Variants in OR51E2 observed in about 807,000 individuals in gnomAD.
OR51E2 encodes olfactory receptor 51E2.
In OR51E2, 14 loss-of-function variants were observed where a neutral mutation model predicts 13.7. That is an observed-to-expected ratio of 1.02 (90% CI 0.68 to 1.60). The LOEUF is 1.60. Ranked by LOEUF, OR51E2 falls within the 40% of genes most tolerant of loss-of-function variation. OR51E2 has a pLI of 0.00. For synonymous variants in OR51E2, 180 were observed against 157.6 expected (o/e 1.14, Z -1.07); for missense variants, 483 against 413.8 (o/e 1.17, Z -1.45).
chr11:4,691,874 T>C (rs1847586315), intron 1 of OR51E2, among the ~76,000 whole-genome samples: 1 of 152,242 alleles, frequency 6.6e-6, no homozygotes, highest in Admixed American at 6.5e-5. Context: ...AGATTTCAAC[T>C]GCTGTAGTGG....
At chr11:4,693,302 A>G (rs554373773) in intron 1 of OR51E2, among the ~76,000 whole-genome samples, 73 of 152,370 alleles carry the variant, frequency 4.8e-4, no homozygotes, top group African/African-American at 1.7e-3. Context: ...ATTACCAGAA[A>G]GAGAGCATTC....
chr11:4,697,169 C>A (rs569037419), intron 1 of OR51E2, among the ~76,000 whole-genome samples: 62 of 152,216 alleles, frequency 4.1e-4, no homozygotes, highest in Non-Finnish European at 7.5e-4. Flanking sequence ...AAAGTCAGAG[C>A]TGAATTTTTA....
intron 1 of OR51E2, among the ~76,000 whole-genome samples, chr11:4,696,444 C>A (rs1467653045): frequency 6.6e-6 from 1 of 152,102 alleles, no homozygotes; most frequent in African/African-American, 2.4e-5. Context: ...TGATTCTACT[C>A]CTGAAATGTA....
At chr11:4,682,795 C>T in intron 1 of OR51E2, 34 bp from the exon 2 acceptor site, 1 of 1,472,742 alleles carries the variant, frequency 6.8e-7, no homozygotes, top group Non-Finnish European at 9.2e-7. Context: ...AGAGAATGCC[C>T]TGGAAACTTG....
intron 1 of OR51E2, among the ~76,000 whole-genome samples, chr11:4,685,385 A>G (rs998943427): frequency 2.0e-4 from 30 of 152,332 alleles, no homozygotes; most frequent in African/African-American, 6.7e-4. Context: ...AGTCAGCCAC[A>G]GGATTAGTGT....
At chr11:4,684,167 G>A (rs1041786563) in intron 1 of OR51E2, among the ~76,000 whole-genome samples, 1 of 152,142 alleles carries the variant, frequency 6.6e-6, no homozygotes, top group Non-Finnish European at 1.5e-5. Flanking sequence ...GGGTTTGAAG[G>A]TTACAAAACC....
At chr11:4,684,055 G>C (rs1352689539) in intron 1 of OR51E2, among the ~76,000 whole-genome samples, 2 of 152,104 alleles carry the variant, frequency 1.3e-5, no homozygotes, top group Non-Finnish European at 2.9e-5. Context: ...AATGTAGAGG[G>C]GTTAGATACC....
chr11:4,686,896 A>G (rs1332819722), intron 1 of OR51E2, among the ~76,000 whole-genome samples: 1 of 152,152 alleles, frequency 6.6e-6, no homozygotes. Flanking sequence ...ATAAGCTGCC[A>G]GGACTGTTGG....
chr11:4,681,767 C>G lies in OR51E2; in HGVS notation c.945G>C (p.Gln315His). 6.2e-7 allele frequency: 1 copy of G among 1,614,068 alleles called. No individual in the cohort carries two copies. The highest frequency in any genetic ancestry group is 8.5e-7 in the Non-Finnish European group (1 of 1,179,934). The change falls in exon 2 of 2, where the codon CAG becomes CAC. Residue 315 changes from glutamine (Q) to histidine (H), a missense_variant. By Grantham distance (24) the Gln-to-His change is conservative. Transcript: ENST00000396950. The part of the protein sequence containing the change: ...MFKISCDKDL[Q>H]AVGGK ...TTAAGGGTCACTTGCCTCCCACAGC[C>G]TGCAAGTCCTTGTCACAGCTGATCT... is the stretch of plus-strand genomic sequence containing the variant.
At chr11:4,686,932 A>G (rs1847522890) in intron 1 of OR51E2, among the ~76,000 whole-genome samples, 1 of 151,994 alleles carries the variant, frequency 6.6e-6, no homozygotes, top group Admixed American at 6.5e-5. Flanking sequence ...ACAGGTTAGC[A>G]TTTGTGAGGT....
intron 1 of OR51E2, among the ~76,000 whole-genome samples, chr11:4,687,303 T>C (rs570225355): frequency 2.0e-5 from 3 of 152,262 alleles, no homozygotes; most frequent in South Asian, 4.1e-4. Context: ...TTATTCAAAA[T>C]ATAAAACACC....
intron 1 of OR51E2, among the ~76,000 whole-genome samples, chr11:4,695,172 A>C (rs1024509584): frequency 6.6e-6 from 1 of 152,202 alleles, no homozygotes; most frequent in African/African-American, 2.4e-5. Context: ...GAGCATCAAG[A>C]GCCAGACATT....
At chr11:4,689,415 G>T (rs1051261979) in intron 1 of OR51E2, among the ~76,000 whole-genome samples, 1 of 152,120 alleles carries the variant, frequency 6.6e-6, no homozygotes, top group Non-Finnish European at 1.5e-5. Flanking sequence ...GAGAGGTATT[G>T]CTATTATAAT....
chr11:4,691,245 CT>C, intron 1 of OR51E2: 1 of 456,914 alleles, frequency 2.2e-6, no homozygotes. Flanking sequence ...TAGGAGCCCC[CT>C]GATGACACTT....
At chr11:4,695,984 T>C (rs1662702303) in intron 1 of OR51E2, among the ~76,000 whole-genome samples, 1 of 152,174 alleles carries the variant, frequency 6.6e-6, no homozygotes, top group Non-Finnish European at 1.5e-5. Flanking sequence ...TTATGGCATC[T>C]CCAGAGTTCT....
At chr11:4,683,036 T>C (rs1847475921) in intron 1 of OR51E2, among the ~76,000 whole-genome samples, 1 of 152,212 alleles carries the variant, frequency 6.6e-6, no homozygotes, top group South Asian at 2.1e-4. Flanking sequence ...GCCTGGATAT[T>C]TGTTGGCCCT....
intron 1 of OR51E2, among the ~76,000 whole-genome samples, chr11:4,687,897 G>T (rs1163226330): frequency 1.3e-5 from 2 of 152,186 alleles, no homozygotes; most frequent in African/African-American, 4.8e-5. Context: ...GAATATTCTA[G>T]GTGGAGGTAG....
At chr11:4,685,353 C>G (rs754144963) in intron 1 of OR51E2, among the ~76,000 whole-genome samples, 3 of 152,204 alleles carry the variant, frequency 2.0e-5, no homozygotes, top group South Asian at 2.1e-4. Flanking sequence ...TCCCACTTCT[C>G]CAAGCTAAAC....
chr11:4,682,863 C>A, intron 1 of OR51E2, 102 bp from the exon 2 acceptor site: 1 of 705,680 alleles, frequency 1.4e-6, no homozygotes, highest in East Asian at 2.7e-5. Context: ...CTTTCATAAG[C>A]TCTGAGGCCC....
Sources: allele counts gnomAD v4.1 joint callset (sites outside exome capture counted in the v4.1 genomes callset), GRCh38; gene constraint gnomAD v4.1.1; transcripts MANE v1.5; gene names NCBI Gene and HGNC (gene_info 2026-07-23, HGNC 2026-07-21).